The following COL4A4 variants were observed in gnomAD, a reference collection of about 807,000 sequenced individuals.
COL4A4 encodes collagen type IV alpha 4 chain.
COL4A4 carries 105 observed loss-of-function variants against 192.9 expected under a neutral mutation model. That is an observed-to-expected ratio of 0.54 (90% confidence interval 0.46 to 0.64). The LOEUF (loss-of-function observed/expected upper bound fraction) is 0.64, where lower values mean the gene tolerates loss of function less well. COL4A4 is among the 30% of genes least tolerant of loss of function. COL4A4 has a pLI of 0.00. For missense variants in COL4A4, 1,967 were observed against 2,169.3 expected, an observed-to-expected ratio of 0.91 and a Z score of 1.85; for synonymous variants, 762 against 769.9, an observed-to-expected ratio of 0.99 and a Z score of 0.17.
chr2:227,107,271 G>A (rs551788399), intron 12 of COL4A4, among the ~76,000 whole-genome samples: 3 of 152,250 alleles, frequency 2.0e-5, no homozygotes, highest in Admixed American at 1.3e-4. Flanking sequence ...TTGGAGGGAC[G>A]GGATGCTACT....
At chr2:227,008,436 G>C in intron 46 of COL4A4, 132 bp from the exon 47 acceptor site, 1 of 1,050,394 alleles carries the variant, frequency 9.5e-7, no homozygotes, top group Non-Finnish European at 1.4e-6. Flanking sequence ...GCCTGCTTCT[G>C]TGGTGAGGAA....
chr2:227,056,492 A>G (rs2396443), intron 29 of COL4A4, among the ~76,000 whole-genome samples: 98,550 of 152,144 alleles, frequency 0.65, 32,512 homozygotes, highest in African/African-American at 0.77. Flanking sequence ...CCGGTGTCTA[A>G]CATTATTGGT....
intron 7 of COL4A4, among the ~76,000 whole-genome samples, chr2:227,116,632 G>A (rs1479210185): frequency 6.6e-6 from 1 of 152,220 alleles, no homozygotes. Flanking sequence ...AACATAAGTG[G>A]AGTTATAGAA....
chr2:227,055,898 T>C lies in COL4A4; in HGVS notation c.2716+47A>G, dbSNP rs781286700. ...GTCCAGTCTTCACTTGGCAGTGGATTTCATGTTTCTAAGATGGGAGGACAT... is the reference window on the plus strand; with the variant it reads ...GTCCAGTCTTCACTTGGCAGTGGATCTCATGTTTCTAAGATGGGAGGACAT... On this transcript the variant is annotated intron_variant, in intron 30 of 47. Transcript: ENST00000396625. 3.2e-6 allele frequency: 5 copies of C among 1,556,372 alleles called. No individual in the cohort carries two copies. The South Asian group carries it at 5.7e-5, about 18-fold the overall frequency.
chr2:227,114,207 A>G (rs1039463369), intron 8 of COL4A4, among the ~76,000 whole-genome samples: 10 of 152,200 alleles, frequency 6.6e-5, no homozygotes, highest in Admixed American at 2.6e-4. Flanking sequence ...CCCAGGGGAC[A>G]TTTGGTAATG....
At chr2:227,050,164 A>G (rs1455313782) in intron 33 of COL4A4, 33 bp from the exon 34 acceptor site, 1 of 1,590,774 alleles carries the variant, frequency 6.3e-7, no homozygotes, top group Admixed American at 1.7e-5. Flanking sequence ...GGCCTTAATC[A>G]GATTTCAAAT....
intron 25 of COL4A4, among the ~76,000 whole-genome samples, chr2:227,068,387 A>C (rs572423271): frequency 6.9e-4 from 105 of 152,358 alleles, no homozygotes; most frequent in African/African-American, 2.4e-3. Flanking sequence ...CATCATCCTG[A>C]TACCAAAGCC....
chr2:227,134,426 G>A (rs190949939), intron 4 of COL4A4, among the ~76,000 whole-genome samples: 1 of 152,250 alleles, frequency 6.6e-6, no homozygotes, highest in Admixed American at 6.5e-5. Flanking sequence ...ATTGTCACTG[G>A]AACTTGTTTA....
intron 9 of COL4A4, among the ~76,000 whole-genome samples, chr2:227,110,915 C>T (rs547194587): frequency 6.6e-6 from 1 of 151,916 alleles, no homozygotes; most frequent in East Asian, 1.9e-4. Context: ...CTCCTGACCT[C>T]GTGATCCACC....
intron 30 of COL4A4, among the ~76,000 whole-genome samples, chr2:227,055,589 T>C (rs1366378606): frequency 1.3e-5 from 2 of 152,098 alleles, no homozygotes; most frequent in East Asian, 1.9e-4. Context: ...ACCTGAAGTG[T>C]GGGCCCTGAT....
intron 9 of COL4A4, among the ~76,000 whole-genome samples, chr2:227,109,725 G>A (rs1331883030): frequency 3.4e-5 from 5 of 148,130 alleles, no homozygotes; most frequent in African/African-American, 7.5e-5. Context: ...CCAGCCTGGC[G>A]AAAGAGCAAG....
the COL4A4 span, among the ~76,000 whole-genome samples, chr2:226,979,212 G>A: frequency 6.6e-6 from 1 of 152,268 alleles, no homozygotes; most frequent in South Asian, 2.1e-4. Context: ...TCCAAGAGCT[G>A]AAGAAACTGC....
At position 227,101,895 on chromosome 2, in the gene COL4A4, G is replaced by A. The variant is rs2060545033; in HGVS notation, c.945C>T (p.Ser315=). 6.3e-7 allele frequency: 1 copy of A among 1,597,482 alleles called. No homozygotes were observed. Among genetic ancestry groups the A allele is most frequent in the Non-Finnish European group, 8.6e-7 (1 of 1,168,900 alleles). The change falls in exon 16 of 48, where the codon TCC becomes TCT. Residue 315 remains serine, a synonymous_variant. Coordinates refer to ENST00000396625, the MANE Select transcript of COL4A4 (RefSeq NM_000092.5). ...ATCCTGGAAAACCTGGAGATCCATA[G>A]GAACCAGGATCCCCCTAATAAATTC... ...GFPGPRGDPG[S]YGSPGFPGLK...
chr2:227,036,791 G>C (rs1969769438), intron 37 of COL4A4, among the ~76,000 whole-genome samples: 1 of 152,122 alleles, frequency 6.6e-6, no homozygotes, highest in Non-Finnish European at 1.5e-5. Flanking sequence ...GGCAGGAGGA[G>C]AGTAATCTAG....
At chr2:227,146,691 T>C (rs547986593) in intron 2 of COL4A4, among the ~76,000 whole-genome samples, 86 of 152,314 alleles carry the variant, frequency 5.6e-4, no homozygotes, top group Non-Finnish European at 9.9e-4. Flanking sequence ...GGGGAGAATC[T>C]GATTCCTTGC....
intron 38 of COL4A4, 42 bp downstream of exon 38, chr2:227,033,368 T>G (rs750508217): frequency 4.7e-6 from 7 of 1,498,852 alleles, no homozygotes; most frequent in Non-Finnish European, 6.5e-6. Flanking sequence ...TCATGAACCA[T>G]GGACTGAAGC....
chr2:227,045,356 C>T (rs916705172), intron 35 of COL4A4, among the ~76,000 whole-genome samples: 7 of 152,048 alleles, frequency 4.6e-5, no homozygotes, highest in Non-Finnish European at 7.4e-5. Flanking sequence ...TTTGAGCCAC[C>T]GATTTTTCCC....
At chr2:227,012,654 T>C (rs1361535374) in intron 44 of COL4A4, among the ~76,000 whole-genome samples, 3 of 119,642 alleles carry the variant, frequency 2.5e-5, no homozygotes, top group Non-Finnish European at 3.5e-5. Flanking sequence ...AAAAAACTAC[T>C]GAACATGTAT....
At chr2:227,028,501 G>A (rs1458405841) in intron 41 of COL4A4, among the ~76,000 whole-genome samples, 2 of 152,002 alleles carry the variant, frequency 1.3e-5, no homozygotes, top group African/African-American at 4.8e-5. Context: ...CATTTTCTCA[G>A]GGAAGCCTTC....
Sources: gnomAD v4.1 joint callset for allele counts (sites outside exome capture counted in the v4.1 genomes callset) on GRCh38, gnomAD v4.1.1 for gene constraint, MANE v1.5 for transcripts, NCBI Gene and HGNC (gene_info 2026-07-23, HGNC 2026-07-21) for gene names.